ARHGAP26: variants seen among roughly 807,000 people sequenced by gnomAD.
ARHGAP26 encodes rho GTPase-activating protein 26.
A neutral mutation model predicts 104.8 loss-of-function variants in ARHGAP26; 38 were observed. The ratio of observed to expected loss-of-function variants is 0.36; its 90% CI spans 0.28 to 0.48. The LOEUF is 0.48. Among genes scored for constraint, ARHGAP26 ranks in the 20% least tolerant of loss-of-function variants. The pLI, the probability that ARHGAP26 is intolerant of heterozygous loss-of-function variation, is 0.99. For synonymous variants in ARHGAP26, 341 were observed against 340.0 expected (o/e 1.00, Z -0.03); for missense variants, 704 against 947.9 (o/e 0.74, Z 3.38).
At chr5:143,126,465 A>G (rs938821066) in intron 18 of ARHGAP26, among the ~76,000 whole-genome samples, 1 of 152,226 alleles carries the variant, frequency 6.6e-6, no homozygotes, top group Admixed American at 6.5e-5. Flanking sequence ...CTTTAGAAAG[A>G]CATCCTTGGA....
At chr5:142,946,255 C>A (rs1318706336) in intron 11 of ARHGAP26, among the ~76,000 whole-genome samples, 1 of 152,146 alleles carries the variant, frequency 6.6e-6, no homozygotes, top group East Asian at 1.9e-4. Flanking sequence ...ATCATATATT[C>A]TTCCTTATAC....
chr5:142,855,766 T>C (rs1179591462), intron 1 of ARHGAP26, among the ~76,000 whole-genome samples: 1 of 152,208 alleles, frequency 6.6e-6, no homozygotes, highest in Non-Finnish European at 1.5e-5. Context: ...GATTGTTTTA[T>C]TGTTTTCTGG....
At chr5:142,935,299 C>T (rs2152542481) in intron 11 of ARHGAP26, among the ~76,000 whole-genome samples, 1 of 152,238 alleles carries the variant, frequency 6.6e-6, no homozygotes, top group African/African-American at 2.4e-5. Context: ...ACTATTCATT[C>T]CAAGCTTACA....
At chr5:143,099,216 A>C (rs1209020272) in intron 17 of ARHGAP26, among the ~76,000 whole-genome samples, 1 of 152,242 alleles carries the variant, frequency 6.6e-6, no homozygotes, top group African/African-American at 2.4e-5. Context: ...CATTCATAGT[A>C]AATAGCGTAA....
intron 17 of ARHGAP26, 31 bp downstream of exon 17, chr5:143,057,778 C>G (rs1012622552): frequency 9.6e-6 from 15 of 1,566,986 alleles, no homozygotes; most frequent in Non-Finnish European, 1.2e-5. Flanking sequence ...TAGCCTTTTT[C>G]TTACCCCTGA....
intron 10 of ARHGAP26, among the ~76,000 whole-genome samples, chr5:142,929,283 A>T (rs1160962497): frequency 6.6e-6 from 1 of 151,966 alleles, no homozygotes; most frequent in East Asian, 1.9e-4. Context: ...TGCCCTGCCC[A>T]TTTTTTGCTA....
intron 1 of ARHGAP26, among the ~76,000 whole-genome samples, chr5:142,790,705 G>T (rs2151906467): frequency 6.6e-6 from 1 of 152,214 alleles, no homozygotes; most frequent in South Asian, 2.1e-4. Flanking sequence ...AGATTCCTCT[G>T]ATGCTCTGAG....
At chr5:142,954,093 C>A (rs147669646) in intron 11 of ARHGAP26, among the ~76,000 whole-genome samples, 3 of 152,206 alleles carry the variant, frequency 2.0e-5, no homozygotes, top group African/African-American at 7.2e-5. Context: ...AAATATTATG[C>A]GTTCTAACCC....
At chr5:143,173,045 T>A (rs142223178) in intron 20 of ARHGAP26, 49 of 178,098 alleles carry the variant, frequency 2.8e-4, no homozygotes, top group Middle Eastern at 2.2e-3. Context: ...ACGTGAGACC[T>A]GCACCCAGGT....
At chr5:143,008,026 C>T (rs1778233795) in intron 11 of ARHGAP26, among the ~76,000 whole-genome samples, 1 of 152,092 alleles carries the variant, frequency 6.6e-6, no homozygotes, top group Non-Finnish European at 1.5e-5. Context: ...CCAGAAGAGG[C>T]TTTTTGTTTT....
intron 17 of ARHGAP26, among the ~76,000 whole-genome samples, chr5:143,065,857 G>T (rs754101484): frequency 6.6e-6 from 1 of 152,190 alleles, no homozygotes; most frequent in Admixed American, 6.5e-5. Flanking sequence ...TTTGGCCAGT[G>T]GGAGAAGGGA....
chr5:143,109,754 T>C (rs919535127), intron 17 of ARHGAP26, among the ~76,000 whole-genome samples: 4 of 152,170 alleles, frequency 2.6e-5, no homozygotes, highest in African/African-American at 9.7e-5. Flanking sequence ...CTCTCTCTCT[T>C]TGAATGTTAA....
intron 21 of ARHGAP26, among the ~76,000 whole-genome samples, chr5:143,208,073 A>G (rs1436638286): frequency 2.0e-5 from 3 of 151,926 alleles, no homozygotes; most frequent in African/African-American, 7.3e-5. Context: ...AACAGGCACT[A>G]CCTCTCTCTG....
chr5:143,142,687 T>C (rs1798706479), intron 19 of ARHGAP26, among the ~76,000 whole-genome samples: 1 of 152,128 alleles, frequency 6.6e-6, no homozygotes. Context: ...AAAAATTGCT[T>C]CAGAAAGTCT....
chr5:142,909,047 G>C (rs1761495474), intron 9 of ARHGAP26, among the ~76,000 whole-genome samples: 2 of 152,086 alleles, frequency 1.3e-5, no homozygotes, highest in African/African-American at 4.8e-5. Context: ...TTGCTTGGGA[G>C]GTTTTGGTTT....
chr5:143,109,925 G>A (rs1794560420), intron 17 of ARHGAP26, among the ~76,000 whole-genome samples: 1 of 152,144 alleles, frequency 6.6e-6, no homozygotes, highest in Admixed American at 6.5e-5. Context: ...AAGTTTTCCA[G>A]GATTTGCCAC....
At chr5:143,012,110 A>G (rs958329560) in intron 11 of ARHGAP26, among the ~76,000 whole-genome samples, 7 of 152,178 alleles carry the variant, frequency 4.6e-5, no homozygotes, top group Non-Finnish European at 4.4e-5. Context: ...GCGTTTAGGT[A>G]TATGCATTGA....
At chr5:143,167,974 A>G (rs145774031) in intron 20 of ARHGAP26, among the ~76,000 whole-genome samples, 34 of 152,354 alleles carry the variant, frequency 2.2e-4, no homozygotes, top group African/African-American at 8.2e-4. Flanking sequence ...AACATAAAGT[A>G]CTTGTATTGA....
At chr5:142,852,780 T>C (rs1167303899) in intron 1 of ARHGAP26, among the ~76,000 whole-genome samples, 1 of 152,194 alleles carries the variant, frequency 6.6e-6, no homozygotes, top group African/African-American at 2.4e-5. Flanking sequence ...ACTCAGTAAG[T>C]TGGTGACTTA....
Sources: gnomAD v4.1 joint callset for allele counts (sites outside exome capture counted in the v4.1 genomes callset) on GRCh38, gnomAD v4.1.1 for gene constraint, MANE v1.5 for transcripts, NCBI Gene and HGNC (gene_info 2026-07-23, HGNC 2026-07-21) for gene names.